The following EYS variants were observed in gnomAD, a reference collection of about 807,000 sequenced individuals.
The protein encoded by EYS is EGF-like photoreceptor maintenance factor.
EYS carries 250 observed loss-of-function variants against 282.1 expected under a neutral mutation model. The ratio of observed to expected loss-of-function variants is 0.89; its 90% CI spans 0.80 to 0.98. The LOEUF (loss-of-function observed/expected upper bound fraction) is 0.98. Ranked by LOEUF, EYS falls within the 50% of genes least tolerant of loss-of-function variation. EYS has a pLI of 0.00. For missense variants in EYS, 4,016 were observed against 3,709.0 expected (o/e 1.08, Z -2.15); for synonymous variants, 1,355 against 1,282.9 (o/e 1.06, Z -1.20).
At chr6:64,784,963 T>C (rs1583155792) in intron 22 of EYS, among the ~76,000 whole-genome samples, 1 of 152,094 alleles carries the variant, frequency 6.6e-6, no homozygotes, top group East Asian at 1.9e-4. Context: ...GTAACAGTCA[T>C]TAAAATCCTG....
chr6:65,659,791 T>C (rs1488969562), intron 1 of EYS, among the ~76,000 whole-genome samples: 2 of 151,836 alleles, frequency 1.3e-5, no homozygotes. Flanking sequence ...TATTATTCTA[T>C]GTACAGTATT....
At chr6:64,281,855 A>G (rs2150361884) in intron 30 of EYS, among the ~76,000 whole-genome samples, 1 of 152,270 alleles carries the variant, frequency 6.6e-6, no homozygotes, top group South Asian at 2.1e-4. Context: ...GAGCAAATAT[A>G]GAAAGTAAGA....
At chr6:65,133,096 G>A (rs966778714) in intron 12 of EYS, among the ~76,000 whole-genome samples, 1 of 151,924 alleles carries the variant, frequency 6.6e-6, no homozygotes, top group East Asian at 1.9e-4. Context: ...CATTCTTATT[G>A]GTAGGAAGAA....
At chr6:63,860,522 T>G (rs1288043526) in intron 36 of EYS, among the ~76,000 whole-genome samples, 4 of 152,220 alleles carry the variant, frequency 2.6e-5, no homozygotes, top group East Asian at 1.9e-4. Flanking sequence ...GGCAGCCAAT[T>G]GTGAGACTTT....
chr6:63,769,416 A>G (rs185290720), intron 40 of EYS, among the ~76,000 whole-genome samples: 5 of 152,186 alleles, frequency 3.3e-5, no homozygotes, highest in Admixed American at 3.3e-4. Context: ...TACAATACCT[A>G]AGACTACTTA....
At chr6:65,549,683 T>C (rs1768528143) in intron 2 of EYS, among the ~76,000 whole-genome samples, 1 of 152,252 alleles carries the variant, frequency 6.6e-6, no homozygotes, top group Admixed American at 6.5e-5. Flanking sequence ...TGAATTAGTG[T>C]TTATAAAGTC....
intron 12 of EYS, among the ~76,000 whole-genome samples, chr6:65,065,495 G>C (rs1346283319): frequency 6.6e-6 from 1 of 150,604 alleles, no homozygotes; most frequent in African/African-American, 2.4e-5. Flanking sequence ...CCATTCTCCT[G>C]CCTCAGCCTC....
rs556241384 is a variant in EYS, at chr6:63,901,568, C to T, written c.7056-37210G>A. 2.0e-5 allele frequency among the ~76,000 whole-genome samples: 3 copies of T among 152,320 alleles called. No individual in the cohort carries two copies. The Middle Eastern group carries it at 0.01, about 518-fold the overall frequency. ...AAACACAAAATTATCTACAACTAGA[C>T]ATACAATAGTCACTGTTGAAAGCTA... is the stretch of plus-strand genomic sequence containing the variant. On this transcript the variant is annotated intron_variant, in intron 35 of 42. Coordinates refer to ENST00000503581, the MANE Select transcript of EYS (RefSeq NM_001142800.2).
intron 2 of EYS, among the ~76,000 whole-genome samples, chr6:65,636,038 CTT>C: frequency 6.6e-6 from 1 of 152,288 alleles, no homozygotes; most frequent in South Asian, 2.1e-4. Context: ...GTCAATTAAA[CTT>C]TTCTTCAGTG....
At position 64,372,130 on chromosome 6, in the gene EYS, G is replaced by GT. The variant is rs201498090; in HGVS notation, c.6078+16559dup. Among the ~76,000 whole-genome samples the GT allele has an allele frequency of 4.8e-3, 473 of 97,598 alleles. 18 individuals carry two copies. Among genetic ancestry groups the GT allele is most frequent in the East Asian group, 0.011 (31 of 2,910 alleles). 64.0% of individuals were successfully genotyped at this position (97,598 alleles called of 152,430 possible). ...TAGCATCACTGGTCTGTATACTTGT[G>GT]TTTTTTTTTTTTTTTTTTTTTTTTT... On this transcript the variant is annotated intron_variant, in intron 29 of 42. Transcript: ENST00000503581.
intron 28 of EYS, among the ~76,000 whole-genome samples, chr6:64,401,428 G>A: frequency 6.6e-6 from 1 of 151,936 alleles, no homozygotes; most frequent in East Asian, 1.9e-4. Context: ...AAAAGCAAAT[G>A]TATGCTTTTA....
At chr6:65,422,742 T>C (rs1012011195) in intron 5 of EYS, among the ~76,000 whole-genome samples, 1 of 151,626 alleles carries the variant, frequency 6.6e-6, no homozygotes, top group Admixed American at 6.6e-5. Flanking sequence ...AAACAATGTG[T>C]TATCATTTAA....
chr6:64,162,648 A>T (rs1423838439), intron 31 of EYS, among the ~76,000 whole-genome samples: 1 of 152,178 alleles, frequency 6.6e-6, no homozygotes, highest in Non-Finnish European at 1.5e-5. Context: ...AAAGCAGCAG[A>T]GGCTTCAAAA....
At chr6:64,387,440 A>G (rs1440875855) in intron 29 of EYS, among the ~76,000 whole-genome samples, 1 of 152,134 alleles carries the variant, frequency 6.6e-6, no homozygotes, top group Non-Finnish European at 1.5e-5. Flanking sequence ...ATTTAGTTTT[A>G]TATTAAAATT....
At chr6:65,489,615 C>A (rs1765952567) in intron 5 of EYS, 1 of 152,106 alleles carries the variant, frequency 6.6e-6, no homozygotes, top group South Asian at 2.1e-4. Context: ...ACCCAGCAAT[C>A]CCATTGCTGG....
At chr6:64,134,283 C>T (rs1774086688) in intron 31 of EYS, among the ~76,000 whole-genome samples, 1 of 151,852 alleles carries the variant, frequency 6.6e-6, no homozygotes, top group African/African-American at 2.4e-5. Context: ...TTTTCAGTGA[C>T]CTGCATTTCT....
At chr6:65,114,295 G>A (rs1331659292) in intron 12 of EYS, among the ~76,000 whole-genome samples, 1 of 149,638 alleles carries the variant, frequency 6.7e-6, no homozygotes, top group East Asian at 2.0e-4. Context: ...ATATTTCTTT[G>A]CCTTACATTT....
chr6:64,046,578 A>G (rs1290072201), intron 33 of EYS, among the ~76,000 whole-genome samples: 1 of 151,906 alleles, frequency 6.6e-6, no homozygotes, highest in African/African-American at 2.4e-5. Context: ...ACACAATAGA[A>G]TTTATTTCCT....
rs111746102 is a variant in EYS, at chr6:65,335,156, C to T, written c.1600-10G>A. 1.0e-4 allele frequency: 158 copies of T among 1,582,398 alleles called. 1 individual carries two copies. In the Middle Eastern group the frequency reaches 6.5e-3, roughly 65 times the overall value. ...ATCCATTTGCACAAATCTATAGCAA[C>T]GAAAGAAGTAAAAATGTTATGAATT... On this transcript the variant is annotated splice_polypyrimidine_tract_variant and intron_variant, in intron 10 of 42. Coordinates refer to ENST00000503581, the MANE Select transcript of EYS (RefSeq NM_001142800.2).
Sources: allele counts gnomAD v4.1 joint callset (sites outside exome capture counted in the v4.1 genomes callset), GRCh38; gene constraint gnomAD v4.1.1; transcripts MANE v1.5; gene names NCBI Gene and HGNC (gene_info 2026-07-23, HGNC 2026-07-21).